HCN1: variants seen among roughly 807,000 people sequenced by gnomAD.
The protein encoded by HCN1 is hyperpolarization activated cyclic nucleotide gated potassium channel 1.
HCN1 carries 13 observed loss-of-function variants against 78.9 expected under a neutral mutation model. The observed-to-expected ratio is 0.16, with a 90% CI of 0.11 to 0.26. The LOEUF (loss-of-function observed/expected upper bound fraction) is 0.26, where lower values mean the gene tolerates loss of function less well. Among genes scored for constraint, HCN1 ranks in the 10% least tolerant of loss-of-function variants. The pLI is 1.00. For missense variants in HCN1, 810 were observed against 1,154.3 expected, an observed-to-expected ratio of 0.70 and a Z score of 4.32; for synonymous variants, 552 against 455.5, an observed-to-expected ratio of 1.21 and a Z score of -2.70.
At chr5:45,512,126 T>C (rs187087258) in intron 2 of HCN1, among the ~76,000 whole-genome samples, 8 of 152,220 alleles carry the variant, frequency 5.3e-5, no homozygotes, top group Middle Eastern at 6.8e-3. Flanking sequence ...ATTCCTTCTA[T>C]CGTCACTTTC....
chr5:45,302,558 T>A (rs544268268), intron 6 of HCN1, among the ~76,000 whole-genome samples: 2 of 151,984 alleles, frequency 1.3e-5, no homozygotes, highest in Middle Eastern at 3.4e-3. Flanking sequence ...AAAAATAAGA[T>A]CAAATAGTCT....
intron 2 of HCN1, among the ~76,000 whole-genome samples, chr5:45,586,770 C>A (rs1039333577): frequency 9.9e-5 from 15 of 152,118 alleles, no homozygotes; most frequent in African/African-American, 3.4e-4. Context: ...TCTCTTAGAG[C>A]CATTATTTAG....
intron 2 of HCN1, chr5:45,558,067 T>C (rs1743511947): frequency 6.6e-6 from 1 of 151,506 alleles, no homozygotes; most frequent in African/African-American, 2.4e-5. Flanking sequence ...CTGAGCCAAG[T>C]TGTGAATGCA....
rs552002925 is a variant in HCN1 at position 45,401,808 on chromosome 5, T to C, written c.1012-5098A>G. Among the ~76,000 whole-genome samples the C allele has an allele frequency of 2.7e-4, 41 of 152,154 alleles. 1 individual carries two copies. The highest frequency in any genetic ancestry group is 1.0e-4 in the Non-Finnish European group (7 of 68,014). On this transcript the variant is annotated intron_variant, in intron 3 of 7. Coordinates refer to ENST00000303230, the MANE Select transcript of HCN1 (RefSeq NM_021072.4). The stretch of plus-strand genomic sequence containing the variant: ...TTATTATATATTGTCTCTATAAAAA[T>C]GGTATTTGTGTCTGGGCTCAATATT...
At chr5:45,425,799 G>A (rs978502259) in intron 3 of HCN1, among the ~76,000 whole-genome samples, 1 of 152,144 alleles carries the variant, frequency 6.6e-6, no homozygotes, top group African/African-American at 2.4e-5. Flanking sequence ...AGAAGAGTGT[G>A]ATACGGAATC....
chr5:45,407,013 C>G (rs1431619047), intron 3 of HCN1, among the ~76,000 whole-genome samples: 1 of 152,158 alleles, frequency 6.6e-6, no homozygotes, highest in African/African-American at 2.4e-5. Context: ...GAAGAAAATC[C>G]TTGCCCGAGG....
intron 2 of HCN1, among the ~76,000 whole-genome samples, chr5:45,605,480 T>C (rs1170672102): frequency 6.6e-6 from 1 of 151,590 alleles, no homozygotes; most frequent in Admixed American, 6.6e-5. Flanking sequence ...GCACCATTAC[T>C]TAAAATATTA....
At chr5:45,659,847 T>G (rs1009300169) in intron 1 of HCN1, among the ~76,000 whole-genome samples, 6 of 123,532 alleles carry the variant, frequency 4.9e-5, no homozygotes, top group Non-Finnish European at 8.3e-5. Flanking sequence ...CTGAAAGTGA[T>G]GTGGAGAATG....
chr5:45,503,279 T>G (rs1189841072), intron 2 of HCN1, among the ~76,000 whole-genome samples: 1 of 152,136 alleles, frequency 6.6e-6, no homozygotes, highest in Non-Finnish European at 1.5e-5. Context: ...ACTACTAGTT[T>G]ATAGGAAATA....
At chr5:45,301,115 A>G (rs1031628318) in intron 6 of HCN1, among the ~76,000 whole-genome samples, 11 of 152,008 alleles carry the variant, frequency 7.2e-5, no homozygotes, top group African/African-American at 2.7e-4. Flanking sequence ...AAATTCAAAT[A>G]TTTCCTAATA....
At chr5:45,581,689 A>T (rs1014679627) in intron 2 of HCN1, among the ~76,000 whole-genome samples, 5 of 152,110 alleles carry the variant, frequency 3.3e-5, no homozygotes, top group African/African-American at 1.2e-4. Flanking sequence ...TCTTGAATTA[A>T]TTTTTGTATA....
intron 2 of HCN1, among the ~76,000 whole-genome samples, chr5:45,573,853 G>T (rs1423297397): frequency 6.6e-6 from 1 of 151,898 alleles, no homozygotes; most frequent in Non-Finnish European, 1.5e-5. Flanking sequence ...TTTAGAATTT[G>T]TTTCTTAAAA....
Position 45,256,372 on chromosome 5 carries a change from TA to T in HCN1, c.*5548del, listed in dbSNP as rs34239756. ...TGGGTGACAGAGCCAGACTCCATCTTAAAAAAAAAAAAAAAAAAAGATGTTT... is the reference window on the plus strand; with the variant it reads ...TGGGTGACAGAGCCAGACTCCATCTTAAAAAAAAAAAAAAAAAAGATGTTT... On this transcript the variant is annotated 3_prime_UTR_variant, in exon 8 of 8. Transcript: ENST00000303230. 0.19 allele frequency: 25,018 copies of T among 131,720 alleles called. 2,291 individuals are homozygous for T. The highest frequency in any genetic ancestry group is 0.37 in the East Asian group (1,697 of 4,570). The allele number at this position is 131,720 out of a possible 1,614,324, so 8.2% of individuals were successfully genotyped here.
At chr5:45,390,934 C>T (rs1369461252) in intron 4 of HCN1, among the ~76,000 whole-genome samples, 1 of 152,140 alleles carries the variant, frequency 6.6e-6, no homozygotes, top group African/African-American at 2.4e-5. Flanking sequence ...AGCATTGTCA[C>T]ACTGGTGTTT....
chr5:45,277,649 G>A (rs879825860), intron 6 of HCN1, among the ~76,000 whole-genome samples: 3 of 152,028 alleles, frequency 2.0e-5, no homozygotes, highest in Non-Finnish European at 4.4e-5. Context: ...GTGTGTGTGT[G>A]TTTTGTACAA....
intron 2 of HCN1, among the ~76,000 whole-genome samples, chr5:45,494,353 G>C (rs1378535447): frequency 4.6e-5 from 7 of 152,216 alleles, no homozygotes; most frequent in Admixed American, 3.9e-4. Flanking sequence ...GATGGCCAGT[G>C]ATGGTGAGCA....
chr5:45,500,432 T>A (rs1001350958), intron 2 of HCN1, among the ~76,000 whole-genome samples: 1 of 152,208 alleles, frequency 6.6e-6, no homozygotes, highest in Non-Finnish European at 1.5e-5. Context: ...AGAATTCTTA[T>A]GTCCTGGTCA....
intron 6 of HCN1, among the ~76,000 whole-genome samples, chr5:45,289,165 AG>A (rs1446351027): frequency 6.6e-6 from 1 of 152,096 alleles, no homozygotes; most frequent in Admixed American, 6.6e-5. Context: ...ACTATTCTTT[AG>A]TATAAAAATA....
intron 3 of HCN1, among the ~76,000 whole-genome samples, chr5:45,409,871 A>C (rs888521509): frequency 1.3e-5 from 2 of 151,652 alleles, no homozygotes; most frequent in African/African-American, 4.8e-5. Flanking sequence ...ATATATTCAG[A>C]TTACCCAACT....
Sources: gnomAD v4.1 joint callset for allele counts (sites outside exome capture counted in the v4.1 genomes callset) on GRCh38, gnomAD v4.1.1 for gene constraint, MANE v1.5 for transcripts, NCBI Gene and HGNC (gene_info 2026-07-23, HGNC 2026-07-21) for gene names.